The following ST6GALNAC3 variants were observed in gnomAD, a reference collection of about 807,000 sequenced individuals.
ST6GALNAC3 encodes the protein alpha-N-acetylgalactosaminide alpha-2,6-sialyltransferase 3.
In ST6GALNAC3, 25 loss-of-function variants were observed where a neutral mutation model predicts 32.7. That is an observed-to-expected ratio of 0.76 (90% CI 0.56 to 1.07). The LOEUF is 1.07. Among genes scored for constraint, ST6GALNAC3 ranks in the 50% least tolerant of loss-of-function variants. The pLI is 0.00. For missense variants in ST6GALNAC3, 355 were observed against 382.4 expected, an observed-to-expected ratio of 0.93 and a Z score of 0.60; for synonymous variants, 129 against 133.1, an observed-to-expected ratio of 0.97 and a Z score of 0.21.
chr1:76,212,483 T>C (rs1405163284), intron 1 of ST6GALNAC3, among the ~76,000 whole-genome samples: 3 of 152,082 alleles, frequency 2.0e-5, no homozygotes, highest in African/African-American at 7.2e-5. Flanking sequence ...GTTTGAAAAA[T>C]ACTTCCTGAT....
chr1:76,516,784 C>T (rs1286320568), intron 3 of ST6GALNAC3, among the ~76,000 whole-genome samples: 2 of 151,948 alleles, frequency 1.3e-5, no homozygotes, highest in Non-Finnish European at 2.9e-5. Flanking sequence ...TGTAAATGGT[C>T]CTTTGTTCAG....
chr1:76,282,788 G>A (rs1659568152), intron 1 of ST6GALNAC3, among the ~76,000 whole-genome samples: 1 of 151,818 alleles, frequency 6.6e-6, no homozygotes, highest in African/African-American at 2.4e-5. Context: ...CAGCACTTTG[G>A]GAGGCCAAGG....
chr1:76,524,051 A>G (rs1557526214), intron 3 of ST6GALNAC3, among the ~76,000 whole-genome samples: 1 of 152,132 alleles, frequency 6.6e-6, no homozygotes. Flanking sequence ...ACAACTATCT[A>G]TTGCATACCT....
intron 3 of ST6GALNAC3, among the ~76,000 whole-genome samples, chr1:76,604,192 T>C (rs1028193793): frequency 1.3e-5 from 2 of 152,180 alleles, no homozygotes; most frequent in Non-Finnish European, 2.9e-5. Flanking sequence ...GTTTAACCTC[T>C]GTACATAAAG....
intron 3 of ST6GALNAC3, among the ~76,000 whole-genome samples, chr1:76,527,630 C>T (rs1053007296): frequency 6.6e-6 from 1 of 152,058 alleles, no homozygotes; most frequent in African/African-American, 2.4e-5. Flanking sequence ...TGTCAAGTCT[C>T]TTTATCATGG....
chr1:76,327,306 GTGTGTGTGTA>G (rs1041860829), intron 2 of ST6GALNAC3, among the ~76,000 whole-genome samples: 5 of 150,088 alleles, frequency 3.3e-5, no homozygotes, highest in Admixed American at 6.6e-5. Flanking sequence ...GTGTGTGTGT[GTGTGTGTGTA>G]TGTGTGTATA....
At position 76,628,691 on chromosome 1, in the gene ST6GALNAC3, T is replaced by A; in HGVS notation, c.803T>A (p.Leu268His). 1.2e-6 allele frequency: 2 copies of A among 1,612,462 alleles called. No individual in the cohort carries two copies. Among genetic ancestry groups the A allele is most frequent in the Non-Finnish European group, 1.7e-6 (2 of 1,179,102 alleles). The change falls in exon 5 of 5, where the codon CTT becomes CAT. Residue 268 changes from leucine to histidine, a missense_variant. Coordinates refer to ENST00000328299, the MANE Select transcript of ST6GALNAC3 (RefSeq NM_152996.4). ...QGRDECDEYFLHEHAPYGGHR... is the reference protein window; with the variant it reads ...QGRDECDEYFHHEHAPYGGHR... ...AGAGATGAGTGTGATGAATATTTTC[T>A]TCATGAACATGCCCCATATGGGGGT...
chr1:76,127,414 C>T (rs1221026464), intron 1 of ST6GALNAC3, among the ~76,000 whole-genome samples: 2 of 152,162 alleles, frequency 1.3e-5, no homozygotes, highest in Middle Eastern at 3.2e-3. Context: ...ATGGCAAGAA[C>T]TGTGTTACTC....
intron 2 of ST6GALNAC3, among the ~76,000 whole-genome samples, chr1:76,368,804 C>T (rs985477634): frequency 2.6e-5 from 4 of 152,130 alleles, no homozygotes; most frequent in Non-Finnish European, 1.5e-5. Context: ...TTAACTATAT[C>T]TCGGCTCCAG....
At chr1:76,564,714 T>C (rs950453698) in intron 3 of ST6GALNAC3, among the ~76,000 whole-genome samples, 5 of 151,782 alleles carry the variant, frequency 3.3e-5, no homozygotes, top group African/African-American at 7.3e-5. Flanking sequence ...GCCTCCCAAG[T>C]AGCTGGGACT....
intron 2 of ST6GALNAC3, among the ~76,000 whole-genome samples, chr1:76,371,432 A>C (rs1650806654): frequency 6.6e-6 from 1 of 152,224 alleles, no homozygotes; most frequent in South Asian, 2.1e-4. Context: ...TTGTAGTGGA[A>C]GGGCATCCTA....
intron 2 of ST6GALNAC3, chr1:76,353,615 T>C (rs1441130184): frequency 6.4e-6 from 1 of 156,400 alleles, no homozygotes; most frequent in African/African-American, 2.4e-5. Flanking sequence ...AGGCTGCAGG[T>C]GAGGCCTGTA....
chr1:76,552,235 C>G lies in ST6GALNAC3; in HGVS notation c.624-75217C>G, dbSNP rs115720660. Among the ~76,000 whole-genome samples the G allele has an allele frequency of 4.3e-3, 651 of 152,270 alleles. 5 individuals carry two copies. The highest frequency in any genetic ancestry group is 0.015 in the African/African-American group (620 of 41,540). On this transcript the variant is annotated intron_variant, in intron 3 of 4. Coordinates refer to ENST00000328299, the MANE Select transcript of ST6GALNAC3 (RefSeq NM_152996.4). The stretch of plus-strand genomic sequence containing the variant: ...CTCAGGGCCCACAAAGATCAAGGGA[C>G]TCTCTCACGGCTAGGATTGCTGGAG...
intron 1 of ST6GALNAC3, among the ~76,000 whole-genome samples, chr1:76,248,307 G>T (rs1657423818): frequency 1.3e-5 from 2 of 152,088 alleles, no homozygotes; most frequent in African/African-American, 4.8e-5. Flanking sequence ...ATTCTTAAAT[G>T]TATTTGCAGT....
rs1045069441 is a variant in ST6GALNAC3, at chr1:76,627,519, G to A, written c.691G>A (p.Gly231Ser). 53 of 1,612,550 alleles carry A rather than the reference G, an allele frequency of 3.3e-5. No individual in the cohort carries two copies. Among genetic ancestry groups the A allele is most frequent in the Non-Finnish European group, 4.2e-5 (50 of 1,179,030 alleles). The change falls in exon 4 of 5, where the codon GGC becomes AGC. Residue 231 changes from glycine to serine, a missense_variant. Gly to Ser is a moderately conservative substitution (Grantham distance 56). Transcript: ENST00000328299. ...TFLLAMDACY[G>S]IHVYGMINDT... Reference sequence around the variant, plus strand: ...CCTTCTGGCCATGGACGCCTGTTATGGCATTCACGTCTACGGGATGATAAA... The same window carrying A: ...CCTTCTGGCCATGGACGCCTGTTATAGCATTCACGTCTACGGGATGATAAA...
At chr1:76,455,466 T>G (rs185491954) in intron 3 of ST6GALNAC3, among the ~76,000 whole-genome samples, 78 of 152,260 alleles carry the variant, frequency 5.1e-4, no homozygotes, top group Admixed American at 1.5e-3. Flanking sequence ...TGTATATAGG[T>G]TTTTCTCTAG....
intron 3 of ST6GALNAC3, among the ~76,000 whole-genome samples, chr1:76,624,642 A>AT (rs968654225): frequency 6.0e-5 from 9 of 151,196 alleles, no homozygotes; most frequent in South Asian, 4.2e-4. Flanking sequence ...CCTAATTATG[A>AT]TTTTTTTTTC....
At chr1:76,571,633 A>G (rs559896415) in intron 3 of ST6GALNAC3, among the ~76,000 whole-genome samples, 1 of 152,270 alleles carries the variant, frequency 6.6e-6, no homozygotes, top group East Asian at 1.9e-4. Flanking sequence ...ATAATTGAAG[A>G]ATAACTAGGA....
At chr1:76,177,329 T>C (rs922259967) in intron 1 of ST6GALNAC3, among the ~76,000 whole-genome samples, 1 of 152,140 alleles carries the variant, frequency 6.6e-6, no homozygotes, top group Admixed American at 6.5e-5. Context: ...GGACTCAGGA[T>C]GTGTTTGTGA....
Sources: gnomAD v4.1 joint callset for allele counts (sites outside exome capture counted in the v4.1 genomes callset) on GRCh38, gnomAD v4.1.1 for gene constraint, MANE v1.5 for transcripts, NCBI Gene and HGNC (gene_info 2026-07-23, HGNC 2026-07-21) for gene names.